The following TTC8 variants were observed in gnomAD, a reference collection of about 807,000 sequenced individuals.
The protein encoded by TTC8 is tetratricopeptide repeat protein 8.
TTC8 carries 47 observed loss-of-function variants against 72.5 expected under a neutral mutation model. The observed-to-expected ratio is 0.65, with a 90% CI of 0.51 to 0.83. The LOEUF (loss-of-function observed/expected upper bound fraction) is 0.83. Ranked by LOEUF, TTC8 falls within the 40% of genes least tolerant of loss-of-function variation. The probability of loss-of-function intolerance (pLI) is 0.00; values close to 1 mark genes in which losing one functional copy is unlikely to be tolerated. For missense variants in TTC8, 611 were observed against 623.2 expected (o/e 0.98, Z 0.21); for synonymous variants, 199 against 221.4 (o/e 0.90, Z 0.90).
intron 1 of TTC8, among the ~76,000 whole-genome samples, chr14:88,825,962 GT>G (rs943054079): frequency 6.6e-6 from 1 of 151,840 alleles, no homozygotes; most frequent in African/African-American, 2.4e-5. Context: ...TTTTTCCAAG[GT>G]TTTTTTAAAT....
At chr14:88,859,519 G>T (rs1416059181) in intron 9 of TTC8, among the ~76,000 whole-genome samples, 2 of 152,044 alleles carry the variant, frequency 1.3e-5, no homozygotes, top group Non-Finnish European at 1.5e-5. Flanking sequence ...CTCCGAGAGG[G>T]TGTAAGGAGG....
Position 88,841,515 on chromosome 14 carries a change from G to C in TTC8, c.579+1G>C. 1 of 1,608,622 alleles carries C rather than the reference G, an allele frequency of 6.2e-7. No individual in the cohort carries two copies. The highest frequency in any genetic ancestry group is 8.5e-7 in the Non-Finnish European group (1 of 1,175,278). On this transcript the variant is annotated splice_donor_variant, in intron 6 of 14. Coordinates refer to ENST00000380656, the MANE Select transcript of TTC8 (RefSeq NM_144596.4). LOFTEE classifies it high-confidence loss of function. ...TTCCCAGAAACCTAAGTTGGCAAAGGTATGTACTTAAAATGATTTTGAGTT... is the reference window on the plus strand; with the variant it reads ...TTCCCAGAAACCTAAGTTGGCAAAGCTATGTACTTAAAATGATTTTGAGTT...
intron 1 of TTC8, among the ~76,000 whole-genome samples, chr14:88,832,319 T>C (rs555703154): frequency 1.3e-5 from 2 of 152,350 alleles, no homozygotes; most frequent in South Asian, 2.1e-4. Context: ...GCATCCAGTA[T>C]CAGTGGCTTC....
At chr14:88,851,467 A>T (rs916271274) in intron 7 of TTC8, among the ~76,000 whole-genome samples, 1 of 152,176 alleles carries the variant, frequency 6.6e-6, no homozygotes, top group East Asian at 1.9e-4. Context: ...TTTTTGCATG[A>T]CATCTTTTTC....
chr14:88,872,272 A>G, intron 12 of TTC8, 58 bp from the exon 13 acceptor site: 1 of 1,609,322 alleles, frequency 6.2e-7, no homozygotes, highest in Non-Finnish European at 8.5e-7. Flanking sequence ...CCTATGAGGA[A>G]AGAAGGGAGG....
At chr14:88,829,834 G>T (rs1168720593) in intron 1 of TTC8, among the ~76,000 whole-genome samples, 2 of 152,176 alleles carry the variant, frequency 1.3e-5, no homozygotes, top group African/African-American at 4.8e-5. Flanking sequence ...GTTAGTAGTT[G>T]GTTGAGACAG....
intron 2 of TTC8, among the ~76,000 whole-genome samples, chr14:88,835,112 G>A (rs147279526): frequency 1.3e-4 from 20 of 152,288 alleles, no homozygotes; most frequent in African/African-American, 4.8e-4. Flanking sequence ...CATAGAGTAG[G>A]CAGAGTGGCC....
intron 7 of TTC8, among the ~76,000 whole-genome samples, chr14:88,849,530 A>G (rs2094823796): frequency 6.6e-6 from 1 of 152,208 alleles, no homozygotes; most frequent in Admixed American, 6.5e-5. Context: ...AATATTATAG[A>G]CAAATATAAG....
intron 7 of TTC8, among the ~76,000 whole-genome samples, chr14:88,844,750 C>T (rs778873498): frequency 2.6e-5 from 4 of 151,698 alleles, no homozygotes; most frequent in Non-Finnish European, 4.4e-5. Flanking sequence ...CATGCTCTCC[C>T]TATGTTTCCC....
chr14:88,825,384 A>G (rs1472373503), intron 1 of TTC8, among the ~76,000 whole-genome samples: 2 of 152,220 alleles, frequency 1.3e-5, no homozygotes, highest in African/African-American at 2.4e-5. Flanking sequence ...AGATACATTC[A>G]TTATTTAAAA....
chr14:88,853,350 T>C (rs2141000285), intron 8 of TTC8, among the ~76,000 whole-genome samples: 1 of 152,318 alleles, frequency 6.6e-6, no homozygotes, highest in African/African-American at 2.4e-5. Context: ...CAGGAGCTAG[T>C]GAGTAACAGA....
rs138871136 is a variant in TTC8, at chr14:88,858,754, A to ATT, written c.798+1504_798+1505dup. Reference sequence around the variant, plus strand: ...GACCACAGGCCACCATGCCTGGATAATTTTTTTTTTTTTTTTTTTTTTTTT... The same window carrying ATT: ...GACCACAGGCCACCATGCCTGGATAATTTTTTTTTTTTTTTTTTTTTTTTTTT... On this transcript the variant is annotated intron_variant, in intron 9 of 14. Coordinates refer to ENST00000380656, the MANE Select transcript of TTC8 (RefSeq NM_144596.4). Among the ~76,000 whole-genome samples the ATT allele has an allele frequency of 2.7e-3, 236 of 86,900 alleles. 14 individuals are homozygous for ATT. The highest frequency in any genetic ancestry group is 0.011 in the East Asian group (31 of 2,840). 57.0% of individuals were successfully genotyped at this position (86,900 alleles called of 152,430 possible). A position where few individuals can be genotyped will look rare whatever the true frequency, so the allele number is the denominator to read the frequency against.
At position 88,877,399 on chromosome 14, in the gene TTC8, GCTATGCT is replaced by G; in HGVS notation, c.1540_1546del (p.Met514AspfsTer35). On this transcript the variant is annotated frameshift_variant, in exon 15 of 15. Coordinates refer to ENST00000380656, the MANE Select transcript of TTC8 (RefSeq NM_144596.4). LOFTEE classifies it high-confidence loss of function. ...AATTAAACAATTAAGGCAGCATTTT[GCTATGCT>G]CTGATTGTTCCTTAGACCACATATG... 1 of 1,613,148 alleles carries G rather than the reference GCTATGCT, an allele frequency of 6.2e-7. No homozygotes were observed. The highest frequency in any genetic ancestry group is 8.5e-7 in the Non-Finnish European group (1 of 1,179,260).
At chr14:88,857,566 A>G (rs575853885) in intron 9 of TTC8, among the ~76,000 whole-genome samples, 34 of 152,272 alleles carry the variant, frequency 2.2e-4, no homozygotes, top group East Asian at 3.9e-4. Context: ...ACAGGCCCCA[A>G]TGAGGCCTTA....
At chr14:88,861,592 T>C (rs2094886167) in intron 10 of TTC8, among the ~76,000 whole-genome samples, 1 of 152,152 alleles carries the variant, frequency 6.6e-6, no homozygotes, top group Non-Finnish European at 1.5e-5. Context: ...ATTCTTTATG[T>C]CTAAATATTT....
intron 10 of TTC8, among the ~76,000 whole-genome samples, chr14:88,864,853 T>C (rs2094903086): frequency 4.6e-5 from 7 of 152,214 alleles, no homozygotes; most frequent in Admixed American, 4.6e-4. Context: ...GTCCAGTTAA[T>C]CAGTAAATTG....
At chr14:88,836,142 T>A (rs2094749768) in intron 2 of TTC8, among the ~76,000 whole-genome samples, 1 of 152,158 alleles carries the variant, frequency 6.6e-6, no homozygotes, top group Admixed American at 6.5e-5. Flanking sequence ...GAAATTAAAT[T>A]AATATTTTTC....
At chr14:88,829,657 A>G (rs753294249) in intron 1 of TTC8, among the ~76,000 whole-genome samples, 2 of 152,178 alleles carry the variant, frequency 1.3e-5, no homozygotes, top group Non-Finnish European at 2.9e-5. Context: ...TGGGAGAAAG[A>G]CTTTTTTCTA....
At chr14:88,855,351 T>C (rs577231389) in intron 8 of TTC8, among the ~76,000 whole-genome samples, 1 of 152,330 alleles carries the variant, frequency 6.6e-6, no homozygotes, top group African/African-American at 2.4e-5. Flanking sequence ...AACTTTAAGT[T>C]GGAGAGAAAA....
Sources: allele counts gnomAD v4.1 joint callset (sites outside exome capture counted in the v4.1 genomes callset), GRCh38; gene constraint gnomAD v4.1.1; transcripts MANE v1.5; gene names NCBI Gene and HGNC (gene_info 2026-07-23, HGNC 2026-07-21).